MROH9: variants seen among roughly 807,000 people sequenced by gnomAD.
MROH9 encodes maestro heat like repeat family member 9.
Under a neutral mutation model 98.2 loss-of-function variants are expected in MROH9, and 92 were observed. The ratio of observed to expected loss-of-function variants is 0.94; its 90% CI spans 0.79 to 1.11. The LOEUF (loss-of-function observed/expected upper bound fraction) is 1.11. Among genes scored for constraint, MROH9 ranks in the 50% most tolerant of loss-of-function variants. MROH9 has a pLI of 0.00. For missense variants in MROH9, 1,057 were observed against 1,014.8 expected (o/e 1.04, Z -0.57); for synonymous variants, 397 against 368.9 (o/e 1.08, Z -0.87).
intron 17 of MROH9, among the ~76,000 whole-genome samples, chr1:171,022,599 G>C (rs955789696): frequency 6.6e-6 from 1 of 152,076 alleles, no homozygotes; most frequent in Non-Finnish European, 1.5e-5. Context: ...GGCCACTTGG[G>C]GGGTGGGTGG....
intron 15 of MROH9, among the ~76,000 whole-genome samples, chr1:171,012,827 G>C (rs1418729990): frequency 6.6e-6 from 1 of 152,134 alleles, no homozygotes; most frequent in East Asian, 1.9e-4. Context: ...GTTTTTGAGA[G>C]ATTTTAATCA....
At chr1:170,973,972 A>G (rs1650584054) in intron 8 of MROH9, among the ~76,000 whole-genome samples, 1 of 152,210 alleles carries the variant, frequency 6.6e-6, no homozygotes, top group Non-Finnish European at 1.5e-5. Flanking sequence ...AGAGACAGAA[A>G]AACTCCTAAA....
rs78983388 is a variant in MROH9 at position 171,024,378 on chromosome 1, G to C, written c.1909-17G>C. 1,347 of 1,549,348 alleles carry C rather than the reference G, an allele frequency of 8.7e-4. 19 individuals carry two copies. In the African/African-American group the frequency reaches 0.017, roughly 19 times the overall value. ...AGCCCTAATATTATCCTCAAATAAGGCCTTTGTCTTTTACAGATTAATGGA... is the reference window on the plus strand; with the variant it reads ...AGCCCTAATATTATCCTCAAATAAGCCCTTTGTCTTTTACAGATTAATGGA... On this transcript the variant is annotated splice_polypyrimidine_tract_variant and intron_variant, in intron 17 of 21. Coordinates refer to ENST00000367759, the MANE Select transcript of MROH9 (RefSeq NM_001163629.2).
chr1:171,003,535 A>G (rs1313534482), intron 15 of MROH9, among the ~76,000 whole-genome samples: 1 of 152,174 alleles, frequency 6.6e-6, no homozygotes, highest in Non-Finnish European at 1.5e-5. Flanking sequence ...CCACCCTGTG[A>G]GTCTACCAGC....
intron 17 of MROH9, among the ~76,000 whole-genome samples, chr1:171,022,472 A>G (rs550092367): frequency 3.3e-5 from 5 of 152,196 alleles, no homozygotes; most frequent in South Asian, 2.1e-4. Flanking sequence ...GCTGGAAGCC[A>G]TCATTCTCAG....
rs74540718 is a variant in MROH9, at chr1:170,985,903, A to C, written c.730-658A>C. Among the ~76,000 whole-genome samples the C allele has an allele frequency of 4.3e-3, 655 of 152,272 alleles. 1 individual carries two copies. Among genetic ancestry groups the C allele is most frequent in the African/African-American group, 0.015 (618 of 41,562 alleles). ...CTCCATCCCTTTAAGGAGAGTGAAG[A>C]AAAACCTTTATTGGTGAGATTGGGT... On this transcript the variant is annotated intron_variant, in intron 9 of 21. Coordinates refer to ENST00000367759, the MANE Select transcript of MROH9 (RefSeq NM_001163629.2).
At chr1:170,954,017 T>C (rs1482418166) in intron 3 of MROH9, among the ~76,000 whole-genome samples, 1 of 152,096 alleles carries the variant, frequency 6.6e-6, no homozygotes, top group Non-Finnish European at 1.5e-5. Context: ...TTACATTGTT[T>C]TGTGATATCC....
intron 20 of MROH9, among the ~76,000 whole-genome samples, chr1:171,032,260 C>T (rs1652942757): frequency 6.6e-6 from 1 of 152,168 alleles, no homozygotes. Context: ...TATTACCCAT[C>T]TTCTGAAGGC....
rs755786681 is a variant in MROH9 at position 170,990,035 on chromosome 1, A to G, written c.1028+32A>G. 8.2e-6 allele frequency: 13 copies of G among 1,584,186 alleles called. No homozygotes were observed. In the African/African-American group the frequency reaches 1.6e-4, roughly 20 times the overall value. ...CCCCCCAACCCTCTGTCCCTTCCAC[A>G]AGGGCTTGTTCACAGGCTGCACTGT... On this transcript the variant is annotated intron_variant, in intron 11 of 21. Transcript: ENST00000367759.
rs1273857457 is a variant in MROH9, at chr1:171,031,104, A to T, written c.2281+5684A>T. ...TGTTTTGTCAGAGACTAGCATTGCA[A>T]CCCCTGCGGTTTTTTTGCTTTCTGT... On this transcript the variant is annotated intron_variant, in intron 20 of 21. Coordinates refer to ENST00000367759, the MANE Select transcript of MROH9 (RefSeq NM_001163629.2). Among the ~76,000 whole-genome samples the T allele has an allele frequency of 3.3e-5, 5 of 151,764 alleles. 1 individual carries two copies. In the South Asian group the frequency reaches 8.3e-4, roughly 25 times the overall value.
chr1:171,005,151 G>A (rs1297163804), intron 15 of MROH9, among the ~76,000 whole-genome samples: 1 of 152,094 alleles, frequency 6.6e-6, no homozygotes, highest in African/African-American at 2.4e-5. Flanking sequence ...TGCAACCTGT[G>A]TCCTCCATGC....
Position 170,947,578 on chromosome 1 carries a change from G to A in MROH9, c.72+5G>A, listed in dbSNP as rs774739779. On this transcript the variant is annotated splice_donor_5th_base_variant and intron_variant, in intron 3 of 21. Coordinates refer to ENST00000367759, the MANE Select transcript of MROH9 (RefSeq NM_001163629.2). ...AGTGTGAAATGGCACCACATGGTAA[G>A]TGATATTCTATAAGGATATCAACGT... 1 of 1,607,918 alleles carries A rather than the reference G, an allele frequency of 6.2e-7. No individual in the cohort carries two copies. The highest frequency in any genetic ancestry group is 8.5e-7 in the Non-Finnish European group (1 of 1,175,278).
rs574311094 is a variant in MROH9 at position 170,995,392 on chromosome 1, T to C, written c.1198T>C (p.Cys400Arg). Residue 400 changes from cysteine (C) to arginine (R), a missense_variant, in exon 13 of 22, where the codon TGC (cysteine) becomes CGC (arginine). Coordinates refer to ENST00000367759, the MANE Select transcript of MROH9 (RefSeq NM_001163629.2). ...CTCCTATTTCCTTCCCTTATAGGCA[T>C]GCCAGGCCCTGTGCACCTTTCTGCC... Reference protein sequence around the residue: ...DITNLMPLAACQALCTFLPLG... With the variant: ...DITNLMPLAARQALCTFLPLG... 3 of 1,613,274 alleles carry C rather than the reference T, an allele frequency of 1.9e-6. No homozygotes were observed. Among genetic ancestry groups the C allele is most frequent in the Admixed American group, 3.3e-5 (2 of 59,952 alleles).
Position 171,056,326 on chromosome 1 carries a change from G to T in MROH9, c.2282-5806G>T, listed in dbSNP as rs78486409. On this transcript the variant is annotated intron_variant, in intron 20 of 21. Coordinates refer to ENST00000367759, the MANE Select transcript of MROH9 (RefSeq NM_001163629.2). Reference sequence around the variant, plus strand: ...TGGAACCAGTAGGGCTGGACACCTTGGTCCCAAAAGGTGTCCCCAACAGCC... The same window carrying T: ...TGGAACCAGTAGGGCTGGACACCTTTGTCCCAAAAGGTGTCCCCAACAGCC... Among the ~76,000 whole-genome samples the T allele has an allele frequency of 3.0e-3, 453 of 152,280 alleles. 1 individual carries two copies. The highest frequency in any genetic ancestry group is 3.6e-3 in the Non-Finnish European group (248 of 68,016).
At chr1:170,942,368 GACACACAC>G (rs10529238) in intron 1 of MROH9, among the ~76,000 whole-genome samples, 6,184 of 144,964 alleles carry the variant, frequency 0.043, 195 homozygotes, top group African/African-American at 0.089. Context: ...ATGTAGAGTA[GACACACAC>G]ACACACACAC....
chr1:171,025,534 C>T (rs1652679833), intron 20 of MROH9, 114 bp downstream of exon 20: 3 of 658,640 alleles, frequency 4.6e-6, no homozygotes, highest in South Asian at 3.8e-5. Context: ...AGGGACAGCA[C>T]CTGTGATGGT....
rs571149753 is a variant in MROH9 at position 170,983,008 on chromosome 1, T to G, written c.617-414T>G. 8.7e-4 allele frequency among the ~76,000 whole-genome samples: 133 copies of G among 152,328 alleles called. 3 individuals are homozygous for G. In the South Asian group the frequency reaches 0.011, roughly 13 times the overall value. ...AGCTCACCTTCTCCAGAACTGAAGTTATCTGCACCTGAAGCTTTTGCTGAG... is the reference window on the plus strand; with the variant it reads ...AGCTCACCTTCTCCAGAACTGAAGTGATCTGCACCTGAAGCTTTTGCTGAG... On this transcript the variant is annotated intron_variant, in intron 8 of 21. Coordinates refer to ENST00000367759, the MANE Select transcript of MROH9 (RefSeq NM_001163629.2).
At position 171,024,473 on chromosome 1, in the gene MROH9, G is replaced by C; in HGVS notation, c.1987G>C (p.Val663Leu). Reference sequence around the variant, plus strand: ...GGATATGAGACAGTACACATGGATGGTGAATGATGTGGTTCTAGAAGGCTT... The same window carrying C: ...GGATATGAGACAGTACACATGGATGCTGAATGATGTGGTTCTAGAAGGCTT... Reference protein sequence around the residue: ...VRDMRQYTWMVNDVVLEGLVP... With the variant: ...VRDMRQYTWMLNDVVLEGLVP... The change falls in exon 18 of 22, where the codon GTG becomes CTG. Residue 663 changes from valine to leucine, a missense_variant. Physicochemically the swap from Val to Leu is conservative, Grantham distance 32. Transcript: ENST00000367759. The C allele has an allele frequency of 6.5e-7, 1 of 1,550,286 alleles. No homozygotes were observed. Among genetic ancestry groups the C allele is most frequent in the Non-Finnish European group, 8.7e-7 (1 of 1,146,544 alleles).
At chr1:170,987,797 C>G (rs528849096) in intron 10 of MROH9, among the ~76,000 whole-genome samples, 44 of 152,314 alleles carry the variant, frequency 2.9e-4, no homozygotes, top group Admixed American at 1.1e-3. Context: ...ATATATCCTA[C>G]CAACATTCTC....
Sources: allele counts gnomAD v4.1 joint callset (sites outside exome capture counted in the v4.1 genomes callset), GRCh38; gene constraint gnomAD v4.1.1; transcripts MANE v1.5; gene names NCBI Gene and HGNC (gene_info 2026-07-23, HGNC 2026-07-21).